CEP85L: variants seen among roughly 807,000 people sequenced by gnomAD.
The protein encoded by CEP85L is centrosomal protein of 85 kDa-like.
CEP85L carries 60 observed loss-of-function variants against 100.3 expected under a neutral mutation model. The observed-to-expected ratio is 0.60, with a 90% CI of 0.49 to 0.74. CEP85L has a LOEUF of 0.74. Ranked by LOEUF, CEP85L falls within the 30% of genes least tolerant of loss-of-function variation. The pLI is 0.00. For missense variants in CEP85L, 973 were observed against 936.2 expected, an observed-to-expected ratio of 1.04 and a Z score of -0.51; for synonymous variants, 319 against 322.7, an observed-to-expected ratio of 0.99 and a Z score of 0.12.
At chr6:118,592,980 AAGAT>A (rs1326427637) in intron 2 of CEP85L, among the ~76,000 whole-genome samples, 9 of 147,026 alleles carry the variant, frequency 6.1e-5, no homozygotes, top group Admixed American at 6.1e-4. Context: ...AAAAAAGAAA[AAGAT>A]AGTGAGAACA....
chr6:118,629,245 A>G (rs1773992279), intron 2 of CEP85L, among the ~76,000 whole-genome samples: 1 of 152,206 alleles, frequency 6.6e-6, no homozygotes, highest in Non-Finnish European at 1.5e-5. Flanking sequence ...CCAAGCCTCC[A>G]CAATACCAAA....
chr6:118,637,595 G>A (rs1774582023), intron 1 of CEP85L, among the ~76,000 whole-genome samples: 1 of 145,936 alleles, frequency 6.9e-6, no homozygotes, highest in South Asian at 2.2e-4. Flanking sequence ...CATGCCTGTA[G>A]TCTCAGCTAC....
At chr6:118,469,003 G>A (rs562620235) in intron 12 of CEP85L, 69 bp downstream of exon 12, 28 of 1,034,736 alleles carry the variant, frequency 2.7e-5, no homozygotes, top group East Asian at 1.9e-4. Context: ...AAAGGCAGTC[G>A]GAAGTTCCTG....
chr6:118,504,100 G>A (rs964725597), intron 5 of CEP85L, among the ~76,000 whole-genome samples: 10 of 152,232 alleles, frequency 6.6e-5, no homozygotes, highest in Admixed American at 5.9e-4. Flanking sequence ...TAGGCCGGGC[G>A]CGGTAGCTCA....
intron 1 of CEP85L, among the ~76,000 whole-genome samples, chr6:118,659,729 A>T (rs755488801): frequency 3.0e-4 from 45 of 152,214 alleles, no homozygotes; most frequent in Non-Finnish European, 5.6e-4. Context: ...CTTGAAGGTC[A>T]GTCTGGTTCT....
At chr6:118,708,974 G>T (rs1777688431) in intron 1 of CEP85L, among the ~76,000 whole-genome samples, 1 of 152,086 alleles carries the variant, frequency 6.6e-6, no homozygotes, top group Non-Finnish European at 1.5e-5. Flanking sequence ...TATAGAAAAA[G>T]AATGACTAAC....
chr6:118,708,797 T>A (rs906450763), intron 1 of CEP85L, among the ~76,000 whole-genome samples: 4 of 152,140 alleles, frequency 2.6e-5, no homozygotes, highest in African/African-American at 9.7e-5. Context: ...TTCCCTACCA[T>A]TTTTCAGGCG....
intron 2 of CEP85L, among the ~76,000 whole-genome samples, chr6:118,611,398 AAC>A (rs1419241481): frequency 6.6e-6 from 1 of 152,212 alleles, no homozygotes; most frequent in Non-Finnish European, 1.5e-5. Flanking sequence ...GACACTGAAA[AAC>A]ACAGATGAAT....
At chr6:118,617,512 A>G (rs1773142062) in intron 2 of CEP85L, among the ~76,000 whole-genome samples, 1 of 152,182 alleles carries the variant, frequency 6.6e-6, no homozygotes, top group South Asian at 2.1e-4. Flanking sequence ...CTCAAAATCT[A>G]AAGCATGTCA....
chr6:118,556,305 G>A (rs754482988), intron 3 of CEP85L, among the ~76,000 whole-genome samples: 89 of 152,282 alleles, frequency 5.8e-4, no homozygotes, highest in Non-Finnish European at 9.1e-4. Flanking sequence ...AAAAATACAG[G>A]TAGTTAATAA....
chr6:118,620,553 G>C (rs987162491), intron 2 of CEP85L, among the ~76,000 whole-genome samples: 1 of 152,186 alleles, frequency 6.6e-6, no homozygotes, highest in Non-Finnish European at 1.5e-5. Flanking sequence ...CCATTGGAAG[G>C]CATGCTGCCC....
In CEP85L at chr6:118,489,353, G is replaced by A. The variant is rs989760334; in HGVS notation, c.1437+2333C>T. Among the ~76,000 whole-genome samples, 4 of 150,474 alleles carry A rather than the reference G, an allele frequency of 2.7e-5. 1 individual carries two copies. Among genetic ancestry groups the A allele is most frequent in the Admixed American group, 1.3e-4 (2 of 15,110 alleles). The stretch of plus-strand genomic sequence containing the variant: ...ATATTATAGTTGATTACCTACCCTT[G>A]TACTATAAAAAATGTCAAGAGGAAT... On this transcript the variant is annotated intron_variant, in intron 6 of 12. Coordinates refer to ENST00000368491, the MANE Select transcript of CEP85L (RefSeq NM_001042475.3).
rs1773968229 is a variant in CEP85L, at chr6:118,483,754, A to G, written c.1542T>C (p.Tyr514=). 3.7e-6 allele frequency: 6 copies of G among 1,613,886 alleles called. No homozygotes were observed. Among genetic ancestry groups the G allele is most frequent in the Non-Finnish European group, 5.1e-6 (6 of 1,179,856 alleles). The change falls in exon 7 of 13, where the codon TAT becomes TAC. Residue 514 remains tyrosine, a synonymous_variant. Coordinates refer to ENST00000368491, the MANE Select transcript of CEP85L (RefSeq NM_001042475.3). Reference sequence around the variant, plus strand: ...CATCTAGAGTTGGAAGATCAGCCAGATACTTTTCCAAGGTCTCAATTCTTC... The same window carrying G: ...CATCTAGAGTTGGAAGATCAGCCAGGTACTTTTCCAAGGTCTCAATTCTTC... ...KQRRIETLEK[Y]LADLPTLDDV...
chr6:118,608,026 A>C (rs1471509489), intron 2 of CEP85L, among the ~76,000 whole-genome samples: 1 of 152,196 alleles, frequency 6.6e-6, no homozygotes. Context: ...TTTATTAAGA[A>C]AGTAAAGGAA....
At chr6:118,538,764 A>G (rs1428712852) in intron 3 of CEP85L, among the ~76,000 whole-genome samples, 1 of 152,134 alleles carries the variant, frequency 6.6e-6, no homozygotes, top group Non-Finnish European at 1.5e-5. Context: ...AATTAAGGTT[A>G]ATCATGGACT....
intron 2 of CEP85L, among the ~76,000 whole-genome samples, chr6:118,586,238 A>G (rs1331563679): frequency 6.6e-6 from 1 of 152,202 alleles, no homozygotes; most frequent in African/African-American, 2.4e-5. Context: ...CTTACTACGA[A>G]TAAGAGATAC....
upstream of CEP85L, among the ~76,000 whole-genome samples, chr6:118,653,749 ATGTGTGTG>A (rs61103713): frequency 9.4e-5 from 14 of 148,160 alleles, no homozygotes; most frequent in Non-Finnish European, 1.5e-4. Context: ...GACTCTGTGT[ATGTGTGTG>A]TGTGTGTGTG....
intron 3 of CEP85L, among the ~76,000 whole-genome samples, chr6:118,534,718 AT>A (rs1777488358): frequency 6.6e-6 from 1 of 152,112 alleles, no homozygotes; most frequent in South Asian, 2.1e-4. Context: ...TGAATTTGGT[AT>A]TTATAAATAC....
rs553571464 is a variant in CEP85L, at chr6:118,674,536, A to G, written c.-27-21728T>C. Among the ~76,000 whole-genome samples the G allele has an allele frequency of 2.7e-3, 413 of 152,056 alleles. 1 individual carries two copies. Among genetic ancestry groups the G allele is most frequent in the Admixed American group, 4.5e-3 (68 of 15,278 alleles). On this transcript the variant is annotated intron_variant, in intron 1 of 13. Coordinates refer to the CEP85L transcript ENST00000368488. ...AAGACTCCATCTCAAAAAAAAAAAAAAGAGAGAAAACCAACAGAATGAGAG... is the reference window on the plus strand; with the variant it reads ...AAGACTCCATCTCAAAAAAAAAAAAGAGAGAGAAAACCAACAGAATGAGAG...
Sources: gnomAD v4.1 joint callset for allele counts (sites outside exome capture counted in the v4.1 genomes callset) on GRCh38, gnomAD v4.1.1 for gene constraint, MANE v1.5 for transcripts, NCBI Gene and HGNC (gene_info 2026-07-23, HGNC 2026-07-21) for gene names.